Variants in CCDC125 observed in about 807,000 individuals in gnomAD.
The protein encoded by CCDC125 is coiled-coil domain-containing protein 125.
CCDC125 carries 43 observed loss-of-function variants against 57.4 expected under a neutral mutation model. That is an observed-to-expected ratio of 0.75 (90% CI 0.59 to 0.97). The LOEUF (loss-of-function observed/expected upper bound fraction) is 0.97. Ranked by LOEUF, CCDC125 falls within the 50% of genes least tolerant of loss-of-function variation. The probability of loss-of-function intolerance (pLI) is 0.00; values close to 1 mark genes in which losing one functional copy is unlikely to be tolerated. For missense variants in CCDC125, 563 were observed against 595.7 expected (o/e 0.95, Z 0.57); for synonymous variants, 187 against 195.2 (o/e 0.96, Z 0.35).
intron 10 of CCDC125, among the ~76,000 whole-genome samples, chr5:69,286,234 AAT>A (rs1753413393): frequency 6.2e-5 from 3 of 48,406 alleles, no homozygotes; most frequent in African/African-American, 2.6e-4. Flanking sequence ...ATATATATAT[AAT>A]TTTTTTTTTT....
chr5:69,276,540 A>G (rs769510572), downstream of CCDC125: 2 of 1,612,122 alleles, frequency 1.2e-6, no homozygotes, highest in South Asian at 2.2e-5. Context: ...TTTCTTTTAA[A>G]AGGCACTGAA....
intron 3 of CCDC125, chr5:69,313,554 A>T (rs1036292812): frequency 5.3e-6 from 4 of 755,808 alleles, no homozygotes; most frequent in Non-Finnish European, 9.8e-6. Flanking sequence ...GCACAGACTC[A>T]GTGGCCCAGA....
the CCDC125 span, among the ~76,000 whole-genome samples, chr5:69,273,591 C>T: frequency 6.6e-6 from 1 of 152,058 alleles, no homozygotes; most frequent in Non-Finnish European, 1.5e-5. Flanking sequence ...AAAACTGAAA[C>T]TAACTGCTGT....
intron 9 of CCDC125, among the ~76,000 whole-genome samples, chr5:69,293,643 G>A (rs1190614614): frequency 4.0e-5 from 4 of 100,116 alleles, no homozygotes; most frequent in Non-Finnish European, 4.3e-5. Flanking sequence ...GCAAGAATCC[G>A]TCTCAAAAAA....
chr5:69,331,482 G>A (rs983985515), intron 1 of CCDC125, among the ~76,000 whole-genome samples: 7 of 151,868 alleles, frequency 4.6e-5, no homozygotes, highest in South Asian at 4.2e-4. Context: ...TCTGCTCACC[G>A]GTCTCCCAAA....
rs532730299 is a variant in CCDC125, at chr5:69,283,242, CG to C, written c.1231-209del. On this transcript the variant is annotated intron_variant, in intron 11 of 11. Coordinates refer to ENST00000396496, the MANE Select transcript of CCDC125 (RefSeq NM_176816.5). ...AATCTTTTTTTTTTTTTTTTTGAGA[CG>C]GAGTCTGGCTCTGTCACCCAGGCTG... Among the ~76,000 whole-genome samples the C allele has an allele frequency of 1.7e-4, 23 of 138,202 alleles. No homozygotes were observed. In the South Asian group the frequency reaches 5.2e-3, roughly 31 times the overall value. 90.7% of individuals were successfully genotyped at this position (138,202 alleles called of 152,430 possible).
intron 8 of CCDC125, among the ~76,000 whole-genome samples, chr5:69,298,931 C>T (rs1222413604): frequency 1.3e-5 from 2 of 152,262 alleles, no homozygotes; most frequent in Non-Finnish European, 2.9e-5. Flanking sequence ...TACCTAACCC[C>T]GCAATGCCTC....
intron 3 of CCDC125, among the ~76,000 whole-genome samples, chr5:69,311,526 C>A (rs1280014684): frequency 1.3e-5 from 2 of 152,112 alleles, no homozygotes; most frequent in African/African-American, 4.8e-5. Flanking sequence ...GTGGTGCATG[C>A]CTGTAATCCT....
In CCDC125 at chr5:69,292,331, GCTT is replaced by G. The variant is rs765810080; in HGVS notation, c.953_955del (p.Glu318del). On this transcript the variant is annotated inframe_deletion, in exon 10 of 12. Coordinates refer to ENST00000396496, the MANE Select transcript of CCDC125 (RefSeq NM_176816.5). Reference sequence around the variant, plus strand: ...TCTGAAAGCATCTGCCATCACGTAAGCTTCTTCTTTACTCTTCTGCAAAATTTC... The same window carrying G: ...TCTGAAAGCATCTGCCATCACGTAAGCTTCTTTACTCTTCTGCAAAATTTC... The G allele has an allele frequency of 6.2e-6, 10 of 1,613,362 alleles. No individual in the cohort carries two copies. In the South Asian group the frequency reaches 1.1e-4, roughly 18 times the overall value.
downstream of CCDC125, among the ~76,000 whole-genome samples, chr5:69,276,923 A>C (rs1752211562): frequency 6.6e-6 from 1 of 152,234 alleles, no homozygotes; most frequent in African/African-American, 2.4e-5. Flanking sequence ...ATGTATGTGT[A>C]CCTTGTTCCC....
chr5:69,313,932 C>T (rs778837194), intron 3 of CCDC125, 53 bp downstream of exon 3: 15 of 1,318,098 alleles, frequency 1.1e-5, no homozygotes, highest in Middle Eastern at 1.8e-4. Flanking sequence ...GCACTGCAGC[C>T]GCTGCTGGGA....
At position 69,282,447 on chromosome 5, in the gene CCDC125, AG is replaced by A. The variant is rs1354257556; in HGVS notation, c.*281del. ...CGTGGTGGCACATGCCTGTAATCCG[AG>A]TTACTCGGGAGGCTGAGGCAGGAGA... On this transcript the variant is annotated 3_prime_UTR_variant, in exon 12 of 12. Coordinates refer to ENST00000396496, the MANE Select transcript of CCDC125 (RefSeq NM_176816.5). 1.9e-5 allele frequency: 5 copies of A among 267,486 alleles called. No homozygotes were observed. Among genetic ancestry groups the A allele is most frequent in the Non-Finnish European group, 1.4e-5 (2 of 143,344 alleles). The allele number at this position is 267,486 out of a possible 1,614,324, so 16.6% of individuals were successfully genotyped here. A position where few individuals can be genotyped will look rare whatever the true frequency, so the allele number is the denominator to read the frequency against.
chr5:69,328,190 C>T (rs1462900358), intron 1 of CCDC125, among the ~76,000 whole-genome samples: 1 of 152,152 alleles, frequency 6.6e-6, no homozygotes, highest in Non-Finnish European at 1.5e-5. Context: ...GCCACCAAGC[C>T]TGGACTTTTT....
intron 10 of CCDC125, among the ~76,000 whole-genome samples, chr5:69,286,204 A>ATATATATATG (rs1753352222): frequency 2.7e-5 from 3 of 112,064 alleles, no homozygotes; most frequent in Non-Finnish European, 5.4e-5. Context: ...ATATATATAT[A>ATATATATATG]TATATATATA....
At chr5:69,290,309 T>TATTATTATA (rs1754195882) in intron 10 of CCDC125, among the ~76,000 whole-genome samples, 1 of 150,954 alleles carries the variant, frequency 6.6e-6, no homozygotes, top group African/African-American at 2.4e-5. Context: ...TTACTATTAT[T>TATTATTATA]ATTATTATTT....
In CCDC125 at chr5:69,282,977, G is replaced by A. The variant is rs759459354; in HGVS notation, c.1288C>T (p.Arg430Trp). The change falls in exon 12 of 12, where the codon CGG (arginine) becomes TGG (tryptophan). Residue 430 changes from arginine (R) to tryptophan (W), a missense_variant. Physicochemically the swap from Arg to Trp is moderately radical, Grantham distance 101. Transcript: ENST00000396496. The stretch of plus-strand genomic sequence containing the variant: ...GCAGTGTCTTTGTCTTCCAATGCCC[G>A]AGCAAGCATGTAGCTAACTTTTCTT... ...HQRKVSYMLA[R>W]ALEDKDTASN... 32 of 1,611,788 alleles carry A rather than the reference G, an allele frequency of 2.0e-5. No individual in the cohort carries two copies. The highest frequency in any genetic ancestry group is 2.2e-5 in the East Asian group (1 of 44,866).
chr5:69,320,476 T>A lies in CCDC125; in HGVS notation c.65A>T (p.Asp22Val). The A allele has an allele frequency of 6.2e-7, 1 of 1,613,690 alleles. No individual in the cohort carries two copies. Among genetic ancestry groups the A allele is most frequent in the Non-Finnish European group, 8.5e-7 (1 of 1,179,652 alleles). The part of the protein sequence containing the change: ...DVQLWETEED[D>V]MTEGDLGYGL... ...ATACCCTAAATCACCTTCTGTCATGTCATCCTCTTCTGTTTCCCAGAGCTG... is the reference window on the plus strand; with the variant it reads ...ATACCCTAAATCACCTTCTGTCATGACATCCTCTTCTGTTTCCCAGAGCTG... The change falls in exon 2 of 12, where the codon GAC becomes GTC. Residue 22 changes from aspartate (D) to valine (V), a missense_variant. Physicochemically the swap from Asp to Val is radical, Grantham distance 152. Transcript: ENST00000396496.
At chr5:69,288,667 A>T (rs530496329) in intron 10 of CCDC125, among the ~76,000 whole-genome samples, 1 of 152,188 alleles carries the variant, frequency 6.6e-6, no homozygotes, top group Non-Finnish European at 1.5e-5. Context: ...GAGCCTGAGG[A>T]GGGCGTCATG....
chr5:69,322,027 G>A lies in CCDC125; in HGVS notation c.-40-1447C>T, dbSNP rs796589712. Among the ~76,000 whole-genome samples, 8 of 151,946 alleles carry A rather than the reference G, an allele frequency of 5.3e-5. No individual in the cohort carries two copies. In the East Asian group the frequency reaches 1.5e-3, roughly 29 times the overall value. Reference sequence around the variant, plus strand: ...AATTTTCTATTTTTTTTTTAGTAGAGACGGGGTTTCTCCATGTTGGTCAAG... The same window carrying A: ...AATTTTCTATTTTTTTTTTAGTAGAAACGGGGTTTCTCCATGTTGGTCAAG... On this transcript the variant is annotated intron_variant, in intron 1 of 11. Coordinates refer to ENST00000396496, the MANE Select transcript of CCDC125 (RefSeq NM_176816.5).
Sources: gnomAD v4.1 joint callset for allele counts (sites outside exome capture counted in the v4.1 genomes callset) on GRCh38, gnomAD v4.1.1 for gene constraint, MANE v1.5 for transcripts, NCBI Gene and HGNC (gene_info 2026-07-23, HGNC 2026-07-21) for gene names.